The following LRRC3B variants were observed in gnomAD, a reference collection of about 807,000 sequenced individuals.
The protein encoded by LRRC3B is leucine-rich repeat-containing protein 3B.
In LRRC3B, 2 loss-of-function variants were observed where a neutral mutation model predicts 12.8. That is an observed-to-expected ratio of 0.16 (90% CI 0.06 to 0.49). LRRC3B has a LOEUF of 0.49. Ranked by LOEUF, LRRC3B falls within the 20% of genes least tolerant of loss-of-function variation. The pLI is 0.96. For synonymous variants in LRRC3B, 132 were observed against 122.0 expected, an observed-to-expected ratio of 1.08 and a Z score of -0.54; for missense variants, 189 against 319.4, an observed-to-expected ratio of 0.59 and a Z score of 3.11.
intron 1 of LRRC3B, among the ~76,000 whole-genome samples, chr3:26,684,494 C>T (rs996406920): frequency 2.0e-5 from 3 of 152,134 alleles, no homozygotes; most frequent in Admixed American, 6.6e-5. Context: ...ACAGAACACC[C>T]GAGACTGGGC....
chr3:26,693,105 C>T (rs1260500949), intron 1 of LRRC3B, among the ~76,000 whole-genome samples: 3 of 151,716 alleles, frequency 2.0e-5, no homozygotes, highest in African/African-American at 7.3e-5. Flanking sequence ...CCGAGACGGG[C>T]GGATCACGAG....
chr3:26,625,452 C>T (rs1474034062), intron 1 of LRRC3B: 3 of 152,246 alleles, frequency 2.0e-5, no homozygotes, highest in Non-Finnish European at 4.4e-5. Flanking sequence ...AAGGCCACAC[C>T]CTCACAGACC....
chr3:26,643,290 GTATA>G (rs145205386), intron 1 of LRRC3B, among the ~76,000 whole-genome samples: 1 of 150,808 alleles, frequency 6.6e-6, no homozygotes, highest in Non-Finnish European at 1.5e-5. Flanking sequence ...ACATGTATAT[GTATA>G]TATATATGTG....
intron 1 of LRRC3B, among the ~76,000 whole-genome samples, chr3:26,673,168 C>CAA (rs1216828432): frequency 6.6e-6 from 1 of 152,072 alleles, no homozygotes. Flanking sequence ...CAAGAAAAAT[C>CAA]AAAGTGGTCA....
At chr3:26,646,089 G>A (rs376356057) in intron 1 of LRRC3B, among the ~76,000 whole-genome samples, 18 of 152,164 alleles carry the variant, frequency 1.2e-4, no homozygotes, top group African/African-American at 4.1e-4. Context: ...TACACTTATC[G>A]TTCATAATGT....
At chr3:26,709,819 C>G (rs757387380) in exon 2 of LRRC3B, 1 of 1,614,104 alleles carries the variant, frequency 6.2e-7, no homozygotes, top group Non-Finnish European at 8.5e-7. Flanking sequence ...TAAATGTCAC[C>G]TGTAGCAATG....
chr3:26,709,574 AC>A (rs1700696406), exon 2 of LRRC3B: 2 of 1,204,772 alleles, frequency 1.7e-6, no homozygotes, highest in Admixed American at 4.4e-5. Context: ...CTTTTGAAAC[AC>A]GCAAGAAGGA....
At chr3:26,684,273 G>A (rs1365973675) in intron 1 of LRRC3B, among the ~76,000 whole-genome samples, 3 of 152,216 alleles carry the variant, frequency 2.0e-5, no homozygotes, top group African/African-American at 7.2e-5. Context: ...GGTTCCCACT[G>A]AAATTAAGTC....
At chr3:26,652,091 A>G (rs1282875821) in intron 1 of LRRC3B, among the ~76,000 whole-genome samples, 1 of 152,210 alleles carries the variant, frequency 6.6e-6, no homozygotes, top group Non-Finnish European at 1.5e-5. Flanking sequence ...TTATTGGGCA[A>G]TGGTGGGAGT....
At chr3:26,641,232 G>T (rs764809296) in intron 1 of LRRC3B, among the ~76,000 whole-genome samples, 5 of 152,114 alleles carry the variant, frequency 3.3e-5, no homozygotes, top group South Asian at 2.1e-4. Context: ...TAGGACCTGT[G>T]CCCCAGTAGC....
rs184750257 is a variant in LRRC3B, at chr3:26,663,363, T to G, written c.-161+40126T>G. Among the ~76,000 whole-genome samples, 10 of 152,258 alleles carry G rather than the reference T, an allele frequency of 6.6e-5. No homozygotes were observed. The East Asian group carries it at 1.9e-3, about 29-fold the overall frequency. ...CATGCATCTTTATTTTACTATTTGC[T>G]CTTCTAGTAAACTTTTGCATATCTC... On this transcript the variant is annotated intron_variant, in intron 1 of 1. Coordinates refer to ENST00000396641, the Ensembl canonical transcript of LRRC3B.
At chr3:26,644,744 T>G (rs975786105) in intron 1 of LRRC3B, among the ~76,000 whole-genome samples, 1 of 152,238 alleles carries the variant, frequency 6.6e-6, no homozygotes, top group Non-Finnish European at 1.5e-5. Context: ...GGTATCAATT[T>G]TGGACCTCCA....
chr3:26,704,551 T>A (rs1290615457), intron 1 of LRRC3B, among the ~76,000 whole-genome samples: 2 of 152,126 alleles, frequency 1.3e-5, no homozygotes, highest in Non-Finnish European at 2.9e-5. Context: ...TTTTCTTTTC[T>A]GCTTTTTTTC....
intron 1 of LRRC3B, among the ~76,000 whole-genome samples, chr3:26,634,607 T>TG (rs1302792753): frequency 4.6e-5 from 7 of 152,248 alleles, no homozygotes; most frequent in African/African-American, 1.7e-4. Flanking sequence ...TCCCTTGAGA[T>TG]GGGGGGAGGA....
intron 1 of LRRC3B, among the ~76,000 whole-genome samples, chr3:26,649,746 A>G (rs1272520879): frequency 6.6e-6 from 1 of 152,164 alleles, no homozygotes; most frequent in Non-Finnish European, 1.5e-5. Flanking sequence ...ACCTTAAACT[A>G]TCTATAATGC....
chr3:26,664,267 C>T (rs960757547), intron 1 of LRRC3B, among the ~76,000 whole-genome samples: 5 of 152,060 alleles, frequency 3.3e-5, no homozygotes, highest in Admixed American at 6.6e-5. Flanking sequence ...GAGCTTGGCC[C>T]ATTGCTTCTT....
chr3:26,640,322 C>A (rs748550253), intron 1 of LRRC3B, among the ~76,000 whole-genome samples: 18 of 150,710 alleles, frequency 1.2e-4, no homozygotes, highest in Admixed American at 5.3e-4. Flanking sequence ...CCCAAGTCTG[C>A]AAATCAGAAT....
At position 26,632,068 on chromosome 3, in the gene LRRC3B, T is replaced by A. The variant is rs73148416; in HGVS notation, c.-161+8831T>A. Among the ~76,000 whole-genome samples the A allele has an allele frequency of 6.9e-3, 1,051 of 152,344 alleles. 16 individuals carry two copies. The highest frequency in any genetic ancestry group is 0.024 in the African/African-American group (1,015 of 41,574). ...TGCAGTCCTGAGGGTCTGTTACATC[T>A]GGAGCACTTCTGGGAGCCTACAATA... On this transcript the variant is annotated intron_variant, in intron 1 of 1. Coordinates refer to ENST00000396641, the Ensembl canonical transcript of LRRC3B.
At chr3:26,636,563 A>G (rs983630805) in intron 1 of LRRC3B, among the ~76,000 whole-genome samples, 1 of 152,150 alleles carries the variant, frequency 6.6e-6, no homozygotes, top group African/African-American at 2.4e-5. Context: ...TGTGTAATGA[A>G]GAGTATGTAT....
Sources: allele counts gnomAD v4.1 joint callset (sites outside exome capture counted in the v4.1 genomes callset), GRCh38; gene constraint gnomAD v4.1.1; transcripts MANE v1.5; gene names NCBI Gene and HGNC (gene_info 2026-07-23, HGNC 2026-07-21).